MAML2: variants seen among roughly 807,000 people sequenced by gnomAD.
The protein encoded by MAML2 is mastermind like transcriptional coactivator 2.
A neutral mutation model predicts 96.1 loss-of-function variants in MAML2; 22 were observed. That is an observed-to-expected ratio of 0.23 (90% CI 0.16 to 0.33). The LOEUF is 0.33. Among genes scored for constraint, MAML2 ranks in the 10% least tolerant of loss-of-function variants. MAML2 has a pLI of 1.00. For missense variants in MAML2, 1,367 were observed against 1,392.4 expected, an observed-to-expected ratio of 0.98 and a Z score of 0.29; for synonymous variants, 561 against 521.3, an observed-to-expected ratio of 1.08 and a Z score of -1.04.
chr11:96,258,743 C>T (rs1217249896), intron 1 of MAML2, among the ~76,000 whole-genome samples: 1 of 152,250 alleles, frequency 6.6e-6, no homozygotes, highest in African/African-American at 2.4e-5. Flanking sequence ...AGAGGCCCAT[C>T]TGCCTAGGGC....
chr11:95,995,192 T>A (rs1034883422), intron 2 of MAML2, among the ~76,000 whole-genome samples: 4 of 152,218 alleles, frequency 2.6e-5, no homozygotes, highest in African/African-American at 9.6e-5. Context: ...AGCTGTTCTG[T>A]GTCAGGTCTC....
At chr11:96,326,478 C>T (rs1591134120) in intron 1 of MAML2, among the ~76,000 whole-genome samples, 1 of 151,830 alleles carries the variant, frequency 6.6e-6, no homozygotes, top group East Asian at 1.9e-4. Context: ...TCTTTTATAT[C>T]CCTTTGCTGA....
chr11:96,023,107 T>A (rs1361882241), intron 2 of MAML2, among the ~76,000 whole-genome samples: 1 of 152,106 alleles, frequency 6.6e-6, no homozygotes, highest in Non-Finnish European at 1.5e-5. Flanking sequence ...TAGAAGAGGA[T>A]GAAGCCCCTC....
intron 1 of MAML2, among the ~76,000 whole-genome samples, chr11:96,290,287 C>G (rs1487404416): frequency 2.0e-5 from 3 of 152,198 alleles, no homozygotes; most frequent in Non-Finnish European, 4.4e-5. Context: ...ATTTACCACT[C>G]TACTGCACAA....
intron 2 of MAML2, among the ~76,000 whole-genome samples, chr11:96,032,903 A>G (rs489535): frequency 0.7 from 106,781 of 152,002 alleles, 37,722 homozygotes; most frequent in East Asian, 0.89. Context: ...GAATACAAAG[A>G]GACACAGAAA....
intron 1 of MAML2, among the ~76,000 whole-genome samples, chr11:96,123,701 A>G (rs1860388467): frequency 6.6e-6 from 1 of 152,196 alleles, no homozygotes; most frequent in African/African-American, 2.4e-5. Flanking sequence ...CTTTATAAAT[A>G]AGAGACTTCT....
intron 2 of MAML2, among the ~76,000 whole-genome samples, chr11:96,043,439 G>A (rs1858848733): frequency 6.6e-6 from 1 of 152,156 alleles, no homozygotes; most frequent in Admixed American, 6.6e-5. Context: ...CTGCCATCTG[G>A]GCTACAGAGA....
At chr11:96,126,227 T>A (rs1255833504) in intron 1 of MAML2, among the ~76,000 whole-genome samples, 2 of 152,092 alleles carry the variant, frequency 1.3e-5, no homozygotes. Context: ...GAAACAAGAA[T>A]GTAAGATTTT....
intron 1 of MAML2, among the ~76,000 whole-genome samples, chr11:96,098,602 T>C (rs562454206): frequency 4.6e-4 from 70 of 152,356 alleles, no homozygotes; most frequent in African/African-American, 1.6e-3. Flanking sequence ...TGTACTTTCT[T>C]TTGCTGAGAT....
intron 2 of MAML2, among the ~76,000 whole-genome samples, chr11:96,050,778 T>A (rs1382626336): frequency 6.6e-6 from 1 of 152,124 alleles, no homozygotes; most frequent in African/African-American, 2.4e-5. Flanking sequence ...GTCTATGGAG[T>A]TGTTACAAGA....
chr11:96,063,100 T>C (rs1020468097), intron 2 of MAML2, among the ~76,000 whole-genome samples: 1 of 152,168 alleles, frequency 6.6e-6, no homozygotes, highest in Non-Finnish European at 1.5e-5. Context: ...ACTTTGGTGA[T>C]TTTTCTTTCC....
intron 1 of MAML2, among the ~76,000 whole-genome samples, chr11:96,273,213 T>G (rs1311049132): frequency 6.6e-6 from 1 of 152,250 alleles, no homozygotes; most frequent in African/African-American, 2.4e-5. Flanking sequence ...CAATCTGAAT[T>G]CTGTACTGTT....
At chr11:96,031,798 A>G (rs1386854442) in intron 2 of MAML2, among the ~76,000 whole-genome samples, 8 of 152,070 alleles carry the variant, frequency 5.3e-5, no homozygotes, top group Admixed American at 4.6e-4. Context: ...ACCCTGGCTA[A>G]CATGGTGAAA....
At chr11:96,205,072 T>C (rs889091470) in intron 1 of MAML2, among the ~76,000 whole-genome samples, 9 of 152,218 alleles carry the variant, frequency 5.9e-5, no homozygotes, top group Admixed American at 5.2e-4. Context: ...GCGTAATTTC[T>C]TTTCATATAA....
chr11:96,262,392 T>C (rs1011595793), intron 1 of MAML2, among the ~76,000 whole-genome samples: 2 of 152,146 alleles, frequency 1.3e-5, no homozygotes, highest in African/African-American at 4.8e-5. Context: ...TCTCCCAAGA[T>C]TTTGATTACT....
intron 4 of MAML2, among the ~76,000 whole-genome samples, chr11:95,983,423 A>G (rs2135702042): frequency 6.6e-6 from 1 of 152,304 alleles, no homozygotes; most frequent in African/African-American, 2.4e-5. Flanking sequence ...AGAAAAAGCT[A>G]GACAGAAGAT....
In MAML2 at chr11:96,086,462, G is replaced by GT. The variant is rs67542746; in HGVS notation, c.2139+5429dup. ...TTAAACTGCATTCTCACTTCCTTGT[G>GT]TTTTTTTTTTCCCATTTTAATCTGG... On this transcript the variant is annotated intron_variant, in intron 2 of 4. Transcript: ENST00000524717. 5.6e-4 allele frequency among the ~76,000 whole-genome samples: 85 copies of GT among 150,732 alleles called. No homozygotes were observed. In the South Asian group the frequency reaches 6.3e-3, roughly 11 times the overall value.
chr11:96,062,342 T>C (rs1490901495), intron 2 of MAML2, among the ~76,000 whole-genome samples: 1 of 152,172 alleles, frequency 6.6e-6, no homozygotes, highest in Non-Finnish European at 1.5e-5. Context: ...TCAATAAGCA[T>C]GTAGACACTG....
intron 1 of MAML2, among the ~76,000 whole-genome samples, chr11:96,159,278 C>T (rs1861059627): frequency 1.3e-5 from 2 of 152,166 alleles, no homozygotes; most frequent in Admixed American, 1.3e-4. Flanking sequence ...GAAGTCTCCA[C>T]AGCAGTAAGT....
Sources: gnomAD v4.1 joint callset for allele counts (sites outside exome capture counted in the v4.1 genomes callset) on GRCh38, gnomAD v4.1.1 for gene constraint, MANE v1.5 for transcripts, NCBI Gene and HGNC (gene_info 2026-07-23, HGNC 2026-07-21) for gene names.